FAM204A: variants seen among roughly 807,000 people sequenced by gnomAD.
FAM204A encodes family with sequence similarity 204 member A.
FAM204A carries 16 observed loss-of-function variants against 35.4 expected under a neutral mutation model. The observed-to-expected ratio is 0.45, with a 90% confidence interval of 0.31 to 0.69. The LOEUF is 0.69. FAM204A is among the 30% of genes least tolerant of loss of function. The pLI is 0.07. For missense variants in FAM204A, 240 were observed against 265.7 expected (o/e 0.90, Z 0.67); for synonymous variants, 76 against 86.9 (o/e 0.88, Z 0.70).
At position 118,310,706 on chromosome 10, in the gene FAM204A, A is replaced by C. The variant is rs565538523; in HGVS notation, c.*151T>G. On this transcript the variant is annotated 3_prime_UTR_variant, in exon 9 of 9. Transcript: ENST00000369183. ...TCAATAGGACAAAGTCCTTAAAGAA[A>C]GACTGAAAAGAGCTGATAATCAAAA... 15 of 656,568 alleles carry C rather than the reference A, an allele frequency of 2.3e-5. No individual in the cohort carries two copies. In the African/African-American group the frequency reaches 2.4e-4, roughly 11 times the overall value. The allele number at this position is 656,568 out of a possible 1,614,324, so 40.7% of individuals were successfully genotyped here.
At chr10:118,341,192 TG>T (rs1237431649) in intron 2 of FAM204A, among the ~76,000 whole-genome samples, 1 of 152,228 alleles carries the variant, frequency 6.6e-6, no homozygotes, top group Non-Finnish European at 1.5e-5. Flanking sequence ...AGCAGCTCGA[TG>T]GGTAAATGTT....
At chr10:118,326,788 C>T (rs1034493797) in intron 6 of FAM204A, among the ~76,000 whole-genome samples, 3 of 152,112 alleles carry the variant, frequency 2.0e-5, no homozygotes, top group East Asian at 1.9e-4. Flanking sequence ...TTTCTTACTG[C>T]CCATTCCTAT....
intron 7 of FAM204A, among the ~76,000 whole-genome samples, chr10:118,312,235 C>T (rs1346719159): frequency 6.6e-6 from 1 of 152,200 alleles, no homozygotes; most frequent in Non-Finnish European, 1.5e-5. Context: ...ACAATAAAAA[C>T]GAAGTACCTC....
chr10:118,299,462 G>C lies in FAM204A; in HGVS notation c.*11395C>G, dbSNP rs1050701335. On this transcript the variant is annotated 3_prime_UTR_variant, in exon 9 of 9. Coordinates refer to ENST00000369183, the MANE Select transcript of FAM204A (RefSeq NM_022063.3). The stretch of plus-strand genomic sequence containing the variant: ...AGTGGTGCGATCACGGCTCACTGCA[G>C]CCTCGACCTCTCGGGTTTAAGTAAT... The C allele has an allele frequency of 7.2e-6, 1 of 139,426 alleles. No homozygotes were observed. The highest frequency in any genetic ancestry group is 1.5e-5 in the Non-Finnish European group (1 of 66,646). 8.6% of individuals were successfully genotyped at this position (139,426 alleles called of 1,614,324 possible).
At position 118,299,860 on chromosome 10, in the gene FAM204A, C is replaced by T. The variant is rs1845790351; in HGVS notation, c.*10997G>A. 6.6e-6 allele frequency: 1 copy of T among 152,172 alleles called. No homozygotes were observed. Among genetic ancestry groups the T allele is most frequent in the South Asian group, 2.1e-4 (1 of 4,820 alleles). 9.4% of individuals were successfully genotyped at this position (152,172 alleles called of 1,614,324 possible). A position where few individuals can be genotyped will look rare whatever the true frequency, so the allele number is the denominator to read the frequency against. ...GACTGCATGAACCTATTTTTACTAA[C>T]AATTTTTCCATTAGCACGTCTTGAA... On this transcript the variant is annotated 3_prime_UTR_variant, in exon 9 of 9. Transcript: ENST00000369183.
Position 118,302,991 on chromosome 10 carries a change from C to T in FAM204A, c.*7866G>A, listed in dbSNP as rs922411347. On this transcript the variant is annotated 3_prime_UTR_variant, in exon 9 of 9. Coordinates refer to ENST00000369183, the MANE Select transcript of FAM204A (RefSeq NM_022063.3). ...GGGACCCTGGAGTTTACATTTTTAA[C>T]AAGTGATTCTGCTTGCAGGAGGGCA... 1.3e-5 allele frequency: 2 copies of T among 152,194 alleles called. No homozygotes were observed. The highest frequency in any genetic ancestry group is 1.3e-4 in the Admixed American group (2 of 15,288). The allele number at this position is 152,194 out of a possible 1,614,324, so 9.4% of individuals were successfully genotyped here. A position where few individuals can be genotyped will look rare whatever the true frequency, so the allele number is the denominator to read the frequency against.
chr10:118,322,541 G>C (rs1466401092), intron 7 of FAM204A: 1 of 238,784 alleles, frequency 4.2e-6, no homozygotes, highest in Non-Finnish European at 8.7e-6. Context: ...GAAAAACTGA[G>C]GAACCATTCC....
rs116882581 is a variant in FAM204A at position 118,339,463 on chromosome 10, C to A, written c.-9+2264G>T. Among the ~76,000 whole-genome samples the A allele has an allele frequency of 8.6e-4, 131 of 152,240 alleles. No homozygotes were observed. In the East Asian group the frequency reaches 0.016, roughly 19 times the overall value. ...TGTCTCTTACTTATGCCTTTCAGAG[C>A]GTATTTCTTTATTTTAAGGCAGATA... is the stretch of plus-strand genomic sequence containing the variant. On this transcript the variant is annotated intron_variant, in intron 2 of 8. Transcript: ENST00000369183.
Position 118,308,155 on chromosome 10 carries a change from A to C in FAM204A, c.*2702T>G, listed in dbSNP as rs1047666050. 6.6e-6 allele frequency: 1 copy of C among 152,234 alleles called. No individual in the cohort carries two copies. The highest frequency in any genetic ancestry group is 6.5e-5 in the Admixed American group (1 of 15,288). 9.4% of individuals were successfully genotyped at this position (152,234 alleles called of 1,614,324 possible). A position where few individuals can be genotyped will look rare whatever the true frequency, so the allele number is the denominator to read the frequency against. On this transcript the variant is annotated 3_prime_UTR_variant, in exon 9 of 9. Coordinates refer to ENST00000369183, the MANE Select transcript of FAM204A (RefSeq NM_022063.3). Reference sequence around the variant, plus strand: ...AGCTCAAAATTACTGTTCTTTAGTAAGATGTTTTAGCCTAAAGTACTTAAA... The same window carrying C: ...AGCTCAAAATTACTGTTCTTTAGTACGATGTTTTAGCCTAAAGTACTTAAA...
At chr10:118,335,669 G>C in intron 3 of FAM204A, 28 bp from the exon 4 acceptor site, 1 of 1,481,306 alleles carries the variant, frequency 6.8e-7, no homozygotes. Flanking sequence ...AAATTGAGAA[G>C]CAAATATACT....
At position 118,310,559 on chromosome 10, in the gene FAM204A, G is replaced by A. The variant is rs186173865; in HGVS notation, c.*298C>T. 2.4e-4 allele frequency: 72 copies of A among 301,004 alleles called. No individual in the cohort carries two copies. Among genetic ancestry groups the A allele is most frequent in the African/African-American group, 8.3e-4 (37 of 44,786 alleles). The allele number at this position is 301,004 out of a possible 1,614,324, so 18.6% of individuals were successfully genotyped here. On this transcript the variant is annotated 3_prime_UTR_variant, in exon 9 of 9. Transcript: ENST00000369183. The stretch of plus-strand genomic sequence containing the variant: ...GTGCTAAACCAAATGAATGGAAAGC[G>A]CCAAAAGTGATTTTATACCAAGGGT...
intron 7 of FAM204A, among the ~76,000 whole-genome samples, chr10:118,318,221 G>C (rs1056680970): frequency 2.6e-5 from 4 of 151,882 alleles, no homozygotes; most frequent in Admixed American, 2.0e-4. Flanking sequence ...AAAAGTAAGG[G>C]ACAGAAGGCA....
chr10:118,315,636 T>A (rs922182925), intron 7 of FAM204A, among the ~76,000 whole-genome samples: 1 of 152,158 alleles, frequency 6.6e-6, no homozygotes, highest in African/African-American at 2.4e-5. Context: ...TTAATTTTTA[T>A]ATCAGTTTGG....
intron 7 of FAM204A, among the ~76,000 whole-genome samples, chr10:118,316,562 T>C (rs977263341): frequency 2.4e-4 from 37 of 152,184 alleles, no homozygotes; most frequent in African/African-American, 8.0e-4. Flanking sequence ...TGTTTGCACG[T>C]TTGTATACTA....
At position 118,332,818 on chromosome 10, in the gene FAM204A, G is replaced by A. The variant is rs117165764; in HGVS notation, c.453+2296C>T. On this transcript the variant is annotated intron_variant, in intron 6 of 8. Transcript: ENST00000369183. ...TTTCATGCCAAAAAGTATCCATTAG[G>A]TATACATAAAACTACTTCAATAATG... Among the ~76,000 whole-genome samples, 240 of 152,190 alleles carry A rather than the reference G, an allele frequency of 1.6e-3. 4 individuals carry two copies. In the East Asian group the frequency reaches 0.032, roughly 20 times the overall value.
intron 7 of FAM204A, among the ~76,000 whole-genome samples, chr10:118,313,992 C>T (rs1383373653): frequency 6.6e-6 from 1 of 152,158 alleles, no homozygotes; most frequent in African/African-American, 2.4e-5. Flanking sequence ...ATGTCATGTA[C>T]TCTAAGAATG....
At chr10:118,335,044 G>C in intron 6 of FAM204A, 70 bp downstream of exon 6, 8 of 1,109,524 alleles carry the variant, frequency 7.2e-6, no homozygotes, top group Non-Finnish European at 1.1e-5. Flanking sequence ...ATGAGGACAA[G>C]TACTTTAGGC....
intron 6 of FAM204A, among the ~76,000 whole-genome samples, chr10:118,331,350 C>T (rs1168756671): frequency 2.6e-5 from 4 of 152,244 alleles, no homozygotes; most frequent in East Asian, 3.9e-4. Flanking sequence ...TGGCTAGAAT[C>T]AAAACATAAT....
chr10:118,332,192 A>G (rs1564762475), intron 6 of FAM204A, among the ~76,000 whole-genome samples: 1 of 150,122 alleles, frequency 6.7e-6, no homozygotes, highest in Non-Finnish European at 1.5e-5. Context: ...AAAAAAAATC[A>G]TATGAGTCAG....
Sources: allele counts gnomAD v4.1 joint callset (sites outside exome capture counted in the v4.1 genomes callset), GRCh38; gene constraint gnomAD v4.1.1; transcripts MANE v1.5; gene names NCBI Gene and HGNC (gene_info 2026-07-23, HGNC 2026-07-21).